The following DNPEP variants were observed in gnomAD, a reference collection of about 807,000 sequenced individuals.
The protein encoded by DNPEP is aspartyl aminopeptidase.
In DNPEP, 46 loss-of-function variants were observed where a neutral mutation model predicts 59.1. The observed-to-expected ratio is 0.78, with a 90% CI of 0.61 to 0.99. The LOEUF is 0.99. Among genes scored for constraint, DNPEP ranks in the 50% least tolerant of loss-of-function variants. The pLI is 0.00. For missense variants in DNPEP, 617 were observed against 649.9 expected (o/e 0.95, Z 0.55); for synonymous variants, 229 against 242.2 (o/e 0.95, Z 0.50).
upstream of DNPEP, among the ~76,000 whole-genome samples, chr2:219,390,904 G>T (rs1954006830): frequency 6.6e-6 from 1 of 152,160 alleles, no homozygotes; most frequent in East Asian, 1.9e-4. Context: ...AAATGGAAAA[G>T]ATGGGTAATA....
At chr2:219,377,261 G>A (rs1042781300) in intron 13 of DNPEP, among the ~76,000 whole-genome samples, 5 of 97,200 alleles carry the variant, frequency 5.1e-5, no homozygotes, top group Non-Finnish European at 9.1e-5. Context: ...GCGACAGAGT[G>A]AAACTCTCAC....
Position 219,384,422 on chromosome 2 carries a change from C to T in DNPEP, c.796G>A (p.Glu266Lys), listed in dbSNP as rs751177542. The change falls in exon 9 of 15, where the codon GAG becomes AAG. Residue 266 changes from glutamate to lysine, a missense_variant. Transcript: ENST00000273075. ...QPAVLGGAYD[E>K]FIFAPRLDNL... The stretch of plus-strand genomic sequence containing the variant: ...TCCAGCCGAGGAGCAAAGATGAACT[C>T]ATCATAGGCACCACCCAAGACCTAG... The T allele has an allele frequency of 3.1e-6, 5 of 1,611,740 alleles. No individual in the cohort carries two copies. In the South Asian group the frequency reaches 4.4e-5, roughly 14 times the overall value.
chr2:219,384,397 T>C lies in DNPEP; in HGVS notation c.821A>G (p.Asp274Gly), dbSNP rs1574984475. 1.2e-6 allele frequency: 2 copies of C among 1,611,584 alleles called. No homozygotes were observed. Among genetic ancestry groups the C allele is most frequent in the Non-Finnish European group, 1.7e-6 (2 of 1,178,986 alleles). ...YDEFIFAPRL[D>G]NLHSCFCALQ... ...GGCACAGAAGCAGCTGTGCAGATTG[T>C]CCAGCCGAGGAGCAAAGATGAACTC... The change falls in exon 9 of 15, where the codon GAC (aspartate) becomes GGC (glycine). Residue 274 changes from aspartate (D) to glycine (G), a missense_variant. Physicochemically the swap from Asp to Gly is moderately conservative, Grantham distance 94. Transcript: ENST00000273075.
chr2:219,390,401 A>G (rs1377745880), upstream of DNPEP, among the ~76,000 whole-genome samples: 1 of 152,370 alleles, frequency 6.6e-6, no homozygotes, highest in East Asian at 1.9e-4. Flanking sequence ...AATCACCTAG[A>G]AAATATAAAA....
rs1013688875 is a variant in DNPEP at position 219,381,686 on chromosome 2, C to T, written c.1098-102G>A. On this transcript the variant is annotated intron_variant, in intron 11 of 14. Coordinates refer to ENST00000273075, the MANE Select transcript of DNPEP (RefSeq NM_012100.4). ...CATCACTAATAGATCACCACTCTTT[C>T]CCGCCCAGCCCAGTGGGACTTCAGA... The T allele has an allele frequency of 9.8e-6, 13 of 1,329,474 alleles. No individual in the cohort carries two copies. The African/African-American group carries it at 1.7e-4, about 18-fold the overall frequency. The allele number at this position is 1,329,474 out of a possible 1,614,324, so 82.4% of individuals were successfully genotyped here.
rs1277901024 is a variant in DNPEP at position 219,386,414 on chromosome 2, G to C, written c.334-3C>G. The C allele has an allele frequency of 6.2e-7, 1 of 1,614,212 alleles. No individual in the cohort carries two copies. Among genetic ancestry groups the C allele is most frequent in the East Asian group, 2.2e-5 (1 of 44,890 alleles). On this transcript the variant is annotated splice_polypyrimidine_tract_variant and splice_region_variant and intron_variant, in intron 4 of 14. Coordinates refer to ENST00000273075, the MANE Select transcript of DNPEP (RefSeq NM_012100.4). ...CTGCGGCGAGACCGACGTTTCACCT[G>C]AGTGTAAAGATGGAGAAGTCAGAGA...
chr2:219,382,051 G>A lies in DNPEP; in HGVS notation c.1025C>T (p.Ala342Val). Residue 342 changes from alanine to valine, a missense_variant, in exon 11 of 15, where the codon GCC becomes GTC. Coordinates refer to ENST00000273075, the MANE Select transcript of DNPEP (RefSeq NM_012100.4). ...GGACTTGGGTATGGCTTCCTCGAAG[G>A]CTGTCGGGTGCTGGCACGAGGCTGA... is the stretch of plus-strand genomic sequence containing the variant. The part of the protein sequence containing the change: ...RISASCQHPT[A>V]FEEAIPKSFM... The A allele has an allele frequency of 6.2e-7, 1 of 1,614,120 alleles. No individual in the cohort carries two copies. The highest frequency in any genetic ancestry group is 8.5e-7 in the Non-Finnish European group (1 of 1,180,040).
At chr2:219,387,490 AGGC>A in intron 1 of DNPEP, 1 of 1,436,628 alleles carries the variant, frequency 7.0e-7, no homozygotes. Context: ...CCATACTCTG[AGGC>A]GGCCTGCATC....
intron 9 of DNPEP, 135 bp from the exon 10 acceptor site, chr2:219,383,349 T>C (rs1953679129): frequency 1.4e-6 from 1 of 701,614 alleles, no homozygotes; most frequent in Non-Finnish European, 2.4e-6. Flanking sequence ...CTGCCTTCCA[T>C]GGCCATGACT....
rs996523409 is a variant in DNPEP at position 219,385,646 on chromosome 2, C to T, written c.651G>A (p.Gly217=). Residue 217 remains glycine, a synonymous_variant, in exon 7 of 15, where the codon GGG becomes GGA. Coordinates refer to ENST00000273075, the MANE Select transcript of DNPEP (RefSeq NM_012100.4). ...ACTCTCTTACCACAGCATTGAGAGG[C>T]CCTGGCTCAGGAGTCCCCTTCTCCA... The part of the protein sequence containing the change: ...EELEKGTPEP[G]PLNAVDERHH... The T allele has an allele frequency of 2.5e-6, 4 of 1,612,526 alleles. No individual in the cohort carries two copies. Among genetic ancestry groups the T allele is most frequent in the Admixed American group, 3.3e-5 (2 of 59,852 alleles).
intron 13 of DNPEP, among the ~76,000 whole-genome samples, chr2:219,379,490 A>T (rs1953500567): frequency 6.6e-6 from 1 of 152,198 alleles, no homozygotes; most frequent in Non-Finnish European, 1.5e-5. Flanking sequence ...AAATAACGAA[A>T]AATTTTAAAA....
chr2:219,382,250 G>A, intron 10 of DNPEP, 111 bp from the exon 11 acceptor site: 2 of 1,271,386 alleles, frequency 1.6e-6, no homozygotes, highest in Non-Finnish European at 2.2e-6. Context: ...TGAGTCACTG[G>A]GTGTTCTTAG....
At chr2:219,385,277 A>C (rs1398446464) in intron 8 of DNPEP, 147 bp downstream of exon 8, 5 of 600,882 alleles carry the variant, frequency 8.3e-6, no homozygotes, top group Non-Finnish European at 1.5e-5. Context: ...CCGCCCTAGA[A>C]GCAGTGGGGG....
intron 1 of DNPEP, among the ~76,000 whole-genome samples, chr2:219,396,752 A>G (rs1431196691): frequency 6.6e-6 from 1 of 152,190 alleles, no homozygotes; most frequent in South Asian, 2.1e-4. Context: ...AACCCTACGC[A>G]CACACATTTT....
rs1953809502 is a variant in DNPEP at position 219,386,017 on chromosome 2, G to A, written c.541C>T (p.Leu181=). 1 of 1,614,074 alleles carries A rather than the reference G, an allele frequency of 6.2e-7. No individual in the cohort carries two copies. The highest frequency in any genetic ancestry group is 1.1e-5 in the South Asian group (1 of 91,092). ...ILRIPHLAIH[L]QRNINENFGP... is the part of the protein sequence containing the mutation. ...AAGTTCTCGTTGATATTTCGCTGCA[G>A]ATGGATGGCCAGGTGTGGGATGCGA... Residue 181 remains leucine (L), a synonymous_variant, in exon 6 of 15, where the codon CTG becomes TTG. Transcript: ENST00000273075.
intron 1 of DNPEP, chr2:219,387,552 C>T (rs1466929481): frequency 5.1e-6 from 7 of 1,372,466 alleles, no homozygotes; most frequent in Non-Finnish European, 6.6e-6. Context: ...CCAAGGAGCA[C>T]CCTGACTCCT....
In DNPEP at chr2:219,386,708, C is replaced by T; in HGVS notation, c.290G>A (p.Gly97Asp). 1 of 1,613,018 alleles carries T rather than the reference C, an allele frequency of 6.2e-7. No individual in the cohort carries two copies. Residue 97 changes from glycine to aspartate, a missense_variant, in exon 4 of 15, where the codon GGC becomes GAC. Coordinates refer to ENST00000273075, the MANE Select transcript of DNPEP (RefSeq NM_012100.4). ...CGTGTGGGCCCCGATGAGGCTGAAG[C>T]CATTGCCAGGAACGTACTGGCCCCC... ...AVGGQYVPGN[G>D]FSLIGAHTDS...
In DNPEP at chr2:219,373,672, G is replaced by C. The variant is rs1236990317; in HGVS notation, c.*620C>G. On this transcript the variant is annotated 3_prime_UTR_variant, in exon 15 of 15. Coordinates refer to ENST00000273075, the MANE Select transcript of DNPEP (RefSeq NM_012100.4). ...GAGCCGCTGCACCCGGCCAGACTTT[G>C]ACTTTTCCAATTTTTTCAATGATAA... 1 of 152,238 alleles carries C rather than the reference G, an allele frequency of 6.6e-6. No individual in the cohort carries two copies. Among genetic ancestry groups the C allele is most frequent in the Non-Finnish European group, 1.5e-5 (1 of 68,096 alleles). The allele number at this position is 152,238 out of a possible 1,614,324, so 9.4% of individuals were successfully genotyped here.
At chr2:219,379,668 A>G (rs1031834375) in intron 13 of DNPEP, among the ~76,000 whole-genome samples, 2 of 152,134 alleles carry the variant, frequency 1.3e-5, no homozygotes, top group Middle Eastern at 6.3e-3. Context: ...CACACCTGTA[A>G]TCCCAACACT....
Sources: allele counts gnomAD v4.1 joint callset (sites outside exome capture counted in the v4.1 genomes callset), GRCh38; gene constraint gnomAD v4.1.1; transcripts MANE v1.5; gene names NCBI Gene and HGNC (gene_info 2026-07-23, HGNC 2026-07-21).